DDO: variants seen among roughly 807,000 people sequenced by gnomAD.
DDO encodes D-aspartate oxidase, DDO.
A neutral mutation model predicts 16.8 loss-of-function variants in DDO; 16 were observed. The observed-to-expected ratio is 0.95, with a 90% CI of 0.65 to 1.45. The LOEUF is 1.45. Ranked by LOEUF, DDO falls within the 40% of genes most tolerant of loss-of-function variation. The probability of loss-of-function intolerance (pLI) is 0.00; values close to 1 mark genes in which losing one functional copy is unlikely to be tolerated. For synonymous variants in DDO, 180 were observed against 167.2 expected (o/e 1.08, Z -0.59); for missense variants, 429 against 420.3 (o/e 1.02, Z -0.18).
chr6:110,396,978 C>T (rs1215164126), intron 4 of DDO, among the ~76,000 whole-genome samples: 1 of 152,136 alleles, frequency 6.6e-6, no homozygotes, highest in Non-Finnish European at 1.5e-5. Context: ...TGTTTATAAT[C>T]TTCCAAAAAG....
chr6:110,398,419 C>CAA lies in DDO; in HGVS notation c.459-5078_459-5077insTT, dbSNP rs147887327. ...ACACACACACACACACACACACACA[C>CAA]ACACACACTTGGCCTCCCAGGAGCA... On this transcript the variant is annotated intron_variant, in intron 4 of 4. Transcript: ENST00000368924. Among the ~76,000 whole-genome samples the CAA allele has an allele frequency of 6.8e-3, 924 of 135,742 alleles. 13 individuals are homozygous for CAA. The highest frequency in any genetic ancestry group is 0.032 in the African/African-American group (856 of 26,606). The allele number at this position is 135,742 out of a possible 152,430, so 89.1% of individuals were successfully genotyped here. A position where few individuals can be genotyped will look rare whatever the true frequency, so the allele number is the denominator to read the frequency against.
Position 110,392,385 on chromosome 6 carries a change from T to A in DDO, c.*390A>T. The A allele has an allele frequency of 1.0e-6, 1 of 992,042 alleles. No homozygotes were observed. Among genetic ancestry groups the A allele is most frequent in the Non-Finnish European group, 1.2e-6 (1 of 834,810 alleles). 61.5% of individuals were successfully genotyped at this position (992,042 alleles called of 1,614,324 possible). A position where few individuals can be genotyped will look rare whatever the true frequency, so the allele number is the denominator to read the frequency against. On this transcript the variant is annotated 3_prime_UTR_variant, in exon 5 of 5. Coordinates refer to ENST00000368924, the MANE Select transcript of DDO (RefSeq NM_001372108.2). ...TCTGCATAGGTCCTTGGACATCAGTTCTAAATAAATTTTACTCTATAAGAA... is the reference window on the plus strand; with the variant it reads ...TCTGCATAGGTCCTTGGACATCAGTACTAAATAAATTTTACTCTATAAGAA...
intron 4 of DDO, among the ~76,000 whole-genome samples, chr6:110,402,668 A>G (rs1275972251): frequency 5.3e-5 from 8 of 152,214 alleles, no homozygotes; most frequent in Non-Finnish European, 1.2e-4. Context: ...TTACTTTCAA[A>G]TGGTTCTGAA....
At chr6:110,406,117 G>T (rs1773647561) in intron 3 of DDO, among the ~76,000 whole-genome samples, 1 of 152,016 alleles carries the variant, frequency 6.6e-6, no homozygotes, top group Non-Finnish European at 1.5e-5. Context: ...TCTTCACCAT[G>T]ACCTACAGGC....
At chr6:110,400,973 A>T (rs759178124) in intron 4 of DDO, among the ~76,000 whole-genome samples, 3 of 152,166 alleles carry the variant, frequency 2.0e-5, no homozygotes. Context: ...GGGACCCAGG[A>T]TCCCCATATT....
At chr6:110,407,815 A>G (rs1448737314) in intron 3 of DDO, among the ~76,000 whole-genome samples, 1 of 152,272 alleles carries the variant, frequency 6.6e-6, no homozygotes, top group Non-Finnish European at 1.5e-5. Context: ...AAAATGAAAT[A>G]GAAGTGTGCT....
At chr6:110,402,343 C>A (rs1773510234) in intron 4 of DDO, among the ~76,000 whole-genome samples, 1 of 152,146 alleles carries the variant, frequency 6.6e-6, no homozygotes, top group South Asian at 2.1e-4. Context: ...TAAGAGGATA[C>A]CCTTGTTCTG....
At chr6:110,404,348 G>GA (rs1554220796) in intron 4 of DDO, among the ~76,000 whole-genome samples, 3 of 152,056 alleles carry the variant, frequency 2.0e-5, no homozygotes, top group South Asian at 2.1e-4. Context: ...CCAAAAATGA[G>GA]AAAAAATTCA....
intron 4 of DDO, among the ~76,000 whole-genome samples, chr6:110,399,577 C>T (rs1773406150): frequency 6.6e-6 from 1 of 151,674 alleles, no homozygotes; most frequent in Non-Finnish European, 1.5e-5. Flanking sequence ...CCTGAAAGGC[C>T]GGACTTGGGC....
intron 4 of DDO, among the ~76,000 whole-genome samples, chr6:110,399,993 A>G (rs1286473807): frequency 6.6e-6 from 1 of 152,126 alleles, no homozygotes; most frequent in African/African-American, 2.4e-5. Flanking sequence ...GCGTATTCCC[A>G]GGCACCGCCC....
At chr6:110,407,979 T>A (rs1773712975) in intron 3 of DDO, among the ~76,000 whole-genome samples, 1 of 152,198 alleles carries the variant, frequency 6.6e-6, no homozygotes, top group Non-Finnish European at 1.5e-5. Flanking sequence ...CCCAACATCA[T>A]ACCTGTTTGC....
At chr6:110,407,343 G>T (rs976652852) in intron 3 of DDO, among the ~76,000 whole-genome samples, 2 of 152,172 alleles carry the variant, frequency 1.3e-5, no homozygotes, top group Non-Finnish European at 2.9e-5. Flanking sequence ...TCCATAGATT[G>T]ATAGGAAAGC....
chr6:110,401,607 C>T (rs1466497389), intron 4 of DDO, among the ~76,000 whole-genome samples: 2 of 151,930 alleles, frequency 1.3e-5, no homozygotes, highest in Non-Finnish European at 2.9e-5. Flanking sequence ...AAAATAGGTA[C>T]CAATGAGTTC....
chr6:110,404,986 T>A, intron 3 of DDO, 36 bp from the exon 4 acceptor site: 2 of 1,575,662 alleles, frequency 1.3e-6, no homozygotes, highest in Non-Finnish European at 1.7e-6. Context: ...TTCCTGAAAT[T>A]TGTGAAATAA....
intron 3 of DDO, among the ~76,000 whole-genome samples, chr6:110,406,219 G>A (rs1224552179): frequency 2.0e-5 from 3 of 151,958 alleles, no homozygotes; most frequent in Non-Finnish European, 4.4e-5. Flanking sequence ...AAACAGATCC[G>A]GACCCATGTT....
chr6:110,404,817 G>C lies in DDO; in HGVS notation c.415C>G (p.Leu139Val), dbSNP rs1398490620. The change falls in exon 4 of 5, where the codon CTG (leucine) becomes GTG (valine). Residue 139 changes from leucine to valine, a missense_variant. Physicochemically the swap from Leu to Val is conservative, Grantham distance 32. Coordinates refer to ENST00000368924, the MANE Select transcript of DDO (RefSeq NM_001372108.2). ...QYVFGQAFTT[L>V]KCECPAYLPW... Reference sequence around the variant, plus strand: ...AGGTAGGCAGGGCATTCACATTTCAGGGTTGTAAAAGCCTGACCAAACACA... The same window carrying C: ...AGGTAGGCAGGGCATTCACATTTCACGGTTGTAAAAGCCTGACCAAACACA... 2.5e-6 allele frequency: 4 copies of C among 1,614,172 alleles called. No individual in the cohort carries two copies. The highest frequency in any genetic ancestry group is 3.4e-6 in the Non-Finnish European group (4 of 1,180,036).
chr6:110,400,759 C>G (rs756575052), intron 4 of DDO, among the ~76,000 whole-genome samples: 3 of 152,276 alleles, frequency 2.0e-5, no homozygotes, highest in Non-Finnish European at 4.4e-5. Context: ...ACCGCCTTCC[C>G]TGATTACCCA....
chr6:110,413,359 G>T lies in DDO; in HGVS notation c.104C>A (p.Ser35Ter), dbSNP rs1421571843. 1.2e-6 allele frequency: 2 copies of T among 1,614,152 alleles called. No homozygotes were observed. Among genetic ancestry groups the T allele is most frequent in the South Asian group, 2.2e-5 (2 of 91,084 alleles). ...GGTGGTATCTGGAGTAAACTTGTCT[G>T]AAATGATGGTAACGGAGCATCGGGG... ...LVPRCSVTII[S>*]DKFTPDTTSD... is the part of the protein sequence containing the mutation. The change falls in exon 2 of 5, where the codon TCA becomes TAA. Residue 35 changes from serine to a stop codon, truncating the protein, a stop_gained. Transcript: ENST00000368924. LOFTEE classifies it high-confidence loss of function.
At chr6:110,400,181 A>C (rs1367290558) in intron 4 of DDO, among the ~76,000 whole-genome samples, 1 of 152,244 alleles carries the variant, frequency 6.6e-6, no homozygotes, top group Non-Finnish European at 1.5e-5. Context: ...CACAGAGATG[A>C]TGGAACTACG....
Sources: gnomAD v4.1 joint callset for allele counts (sites outside exome capture counted in the v4.1 genomes callset) on GRCh38, gnomAD v4.1.1 for gene constraint, MANE v1.5 for transcripts, NCBI Gene and HGNC (gene_info 2026-07-23, HGNC 2026-07-21) for gene names.